Variants in DPYD observed in about 807,000 individuals in gnomAD.
The protein encoded by DPYD is dihydropyrimidine dehydrogenase, also known as dihydropyrimidine dehydrogenase [NADP(+)].
In DPYD, 109 loss-of-function variants were observed where a neutral mutation model predicts 116.2. That is an observed-to-expected ratio of 0.94 (90% confidence interval 0.80 to 1.10). The LOEUF (loss-of-function observed/expected upper bound fraction) is 1.10. DPYD is among the 50% of genes least tolerant of loss of function. DPYD has a pLI of 0.00. For missense variants in DPYD, 1,302 were observed against 1,254.5 expected (o/e 1.04, Z -0.57); for synonymous variants, 440 against 432.0 (o/e 1.02, Z -0.23).
chr1:97,362,887 G>T (rs1670814252), intron 16 of DPYD, among the ~76,000 whole-genome samples: 1 of 152,144 alleles, frequency 6.6e-6, no homozygotes, highest in Non-Finnish European at 1.5e-5. Context: ...CAGGACACAG[G>T]CATGGGAAAG....
chr1:97,415,387 G>C (rs1359283380), intron 14 of DPYD, among the ~76,000 whole-genome samples: 1 of 152,122 alleles, frequency 6.6e-6, no homozygotes, highest in Non-Finnish European at 1.5e-5. Flanking sequence ...GAGTGCAGTG[G>C]TGCAGTCTCG....
chr1:97,401,995 T>C (rs557212763), intron 14 of DPYD, among the ~76,000 whole-genome samples: 15 of 152,276 alleles, frequency 9.9e-5, no homozygotes, highest in African/African-American at 2.6e-4. Context: ...GTCTATTCTT[T>C]AACCAATATT....
At chr1:97,447,008 C>G (rs1676121923) in intron 14 of DPYD, among the ~76,000 whole-genome samples, 1 of 152,082 alleles carries the variant, frequency 6.6e-6, no homozygotes, top group South Asian at 2.1e-4. Context: ...TTTGGTATAA[C>G]TGTGACAATT....
chr1:97,448,161 G>A (rs545606080), intron 14 of DPYD, among the ~76,000 whole-genome samples: 11 of 152,176 alleles, frequency 7.2e-5, no homozygotes, highest in East Asian at 1.9e-4. Flanking sequence ...AGGCTGCAGC[G>A]AGCCATGATG....
At chr1:97,517,316 G>T (rs566073698) in intron 12 of DPYD, among the ~76,000 whole-genome samples, 17 of 151,924 alleles carry the variant, frequency 1.1e-4, no homozygotes, top group Non-Finnish European at 2.2e-4. Flanking sequence ...CTATTAAAAG[G>T]ATTATTAGCA....
intron 1 of DPYD, among the ~76,000 whole-genome samples, chr1:97,898,564 T>C (rs929118796): frequency 6.6e-6 from 1 of 151,980 alleles, no homozygotes; most frequent in Non-Finnish European, 1.5e-5. Flanking sequence ...TTGTTTCATA[T>C]ATTTTGTTTC....
At chr1:97,693,489 ACAAGAATGTGC>A (rs1343163401) in intron 6 of DPYD, among the ~76,000 whole-genome samples, 1 of 152,030 alleles carries the variant, frequency 6.6e-6, no homozygotes, top group Non-Finnish European at 1.5e-5. Context: ...CCTCAAGGTA[ACAAGAATGTGC>A]CAGAATGCTC....
intron 8 of DPYD, among the ~76,000 whole-genome samples, chr1:97,674,920 G>A (rs1035037169): frequency 5.3e-5 from 8 of 152,066 alleles, no homozygotes; most frequent in South Asian, 2.1e-4. Context: ...TATACTATGG[G>A]AAAAAGGTGT....
chr1:97,598,262 CATCT>C (rs1557827604), intron 8 of DPYD, among the ~76,000 whole-genome samples: 1 of 152,058 alleles, frequency 6.6e-6, no homozygotes, highest in Non-Finnish European at 1.5e-5. Context: ...TGCAAATAGT[CATCT>C]ATCAAAGGAA....
chr1:97,557,845 TA>T (rs1651859547), intron 11 of DPYD, among the ~76,000 whole-genome samples: 1 of 152,234 alleles, frequency 6.6e-6, no homozygotes, highest in African/African-American at 2.4e-5. Context: ...ATGGCAGGCA[TA>T]CTGCTGGATA....
intron 8 of DPYD, among the ~76,000 whole-genome samples, chr1:97,675,489 T>C (rs1302317762): frequency 6.6e-6 from 1 of 152,150 alleles, no homozygotes; most frequent in Non-Finnish European, 1.5e-5. Flanking sequence ...AATGAGATAA[T>C]TTCCTTGGAC....
chr1:97,391,097 A>T, intron 14 of DPYD, among the ~76,000 whole-genome samples: 1 of 130,558 alleles, frequency 7.7e-6, no homozygotes. Context: ...TCAATTTCTC[A>T]CATGTTGATG....
chr1:97,440,007 G>A (rs1264056497), intron 14 of DPYD, among the ~76,000 whole-genome samples: 2 of 152,090 alleles, frequency 1.3e-5, no homozygotes, highest in East Asian at 3.9e-4. Flanking sequence ...CGGGCGCGGT[G>A]GCTCACGCCT....
intron 18 of DPYD, among the ~76,000 whole-genome samples, chr1:97,238,930 C>T (rs1296550065): frequency 6.6e-6 from 1 of 152,086 alleles, no homozygotes; most frequent in East Asian, 1.9e-4. Flanking sequence ...GTGTGGAATC[C>T]TCCAATAAAA....
intron 14 of DPYD, among the ~76,000 whole-genome samples, chr1:97,409,487 G>T (rs368013394): frequency 2.6e-5 from 4 of 152,088 alleles, no homozygotes; most frequent in African/African-American, 7.2e-5. Context: ...GATAATATTT[G>T]TTGAATCAAG....
At chr1:97,123,859 T>C (rs901704554) in intron 20 of DPYD, among the ~76,000 whole-genome samples, 3 of 152,102 alleles carry the variant, frequency 2.0e-5, no homozygotes, top group African/African-American at 4.8e-5. Context: ...GACACCTTTA[T>C]TGAGTTATCA....
At chr1:97,893,497 G>C (rs1303377071) in intron 1 of DPYD, among the ~76,000 whole-genome samples, 1 of 129,824 alleles carries the variant, frequency 7.7e-6, no homozygotes, top group African/African-American at 2.9e-5. Flanking sequence ...CCATAGAACT[G>C]TATATAACTC....
intron 1 of DPYD, among the ~76,000 whole-genome samples, chr1:97,900,397 A>T (rs1044924572): frequency 1.3e-5 from 2 of 151,900 alleles, no homozygotes; most frequent in African/African-American, 4.8e-5. Context: ...CTGGTGGTCA[A>T]CTAGGTATGG....
chr1:97,213,554 G>A (rs1438568924), intron 19 of DPYD, among the ~76,000 whole-genome samples: 2 of 152,076 alleles, frequency 1.3e-5, no homozygotes, highest in African/African-American at 4.8e-5. Context: ...GATTTTAAAT[G>A]ACAATTAGAA....
Sources: gnomAD v4.1 joint callset for allele counts (sites outside exome capture counted in the v4.1 genomes callset) on GRCh38, gnomAD v4.1.1 for gene constraint, MANE v1.5 for transcripts, NCBI Gene and HGNC (gene_info 2026-07-23, HGNC 2026-07-21) for gene names.